ABLIM1: variants seen among roughly 807,000 people sequenced by gnomAD.
ABLIM1 encodes the protein actin-binding LIM protein 1.
Under a neutral mutation model 107.0 loss-of-function variants are expected in ABLIM1, and 40 were observed. That is an observed-to-expected ratio of 0.37 (90% CI 0.29 to 0.49). The LOEUF is 0.49. Ranked by LOEUF, ABLIM1 falls within the 20% of genes least tolerant of loss-of-function variation. The pLI is 0.97. For missense variants in ABLIM1, 857 were observed against 1,008.5 expected (o/e 0.85, Z 2.04); for synonymous variants, 357 against 357.3 (o/e 1.00, Z 0.01).
intron 1 of ABLIM1, among the ~76,000 whole-genome samples, chr10:114,727,581 C>G (rs549725524): frequency 1.3e-5 from 2 of 152,284 alleles, no homozygotes; most frequent in South Asian, 4.1e-4. Context: ...TTAATGAATT[C>G]ATAGCAAGAA....
At position 114,544,964 on chromosome 10, in the gene ABLIM1, A is replaced by T. The variant is rs1047636987; in HGVS notation, c.894+41T>A. 3.8e-6 allele frequency: 6 copies of T among 1,588,156 alleles called. No individual in the cohort carries two copies. In the African/African-American group the frequency reaches 8.1e-5, roughly 21 times the overall value. ...TTGTTTGTTTCTGAGGGCCGCTGAG[A>T]AAGATGGCGGTAGCTATGAGGGAGC... On this transcript the variant is annotated intron_variant, in intron 6 of 22. Coordinates refer to ENST00000533213, the MANE Select transcript of ABLIM1 (RefSeq NM_002313.7).
At chr10:114,606,005 C>G (rs2076385988) in intron 1 of ABLIM1, among the ~76,000 whole-genome samples, 1 of 152,030 alleles carries the variant, frequency 6.6e-6, no homozygotes, top group Non-Finnish European at 1.5e-5. Context: ...ATCTTCAGTG[C>G]AGTCAAGCAG....
chr10:114,760,090 G>C (rs1400817095), intron 1 of ABLIM1, among the ~76,000 whole-genome samples: 1 of 151,826 alleles, frequency 6.6e-6, no homozygotes, highest in Non-Finnish European at 1.5e-5. Context: ...ACATTAATTA[G>C]TATATTAGCA....
chr10:114,776,144 A>G, the ABLIM1 span: 1 of 152,168 alleles, frequency 6.6e-6, no homozygotes. Flanking sequence ...GATGGTGGAC[A>G]ACAAACCCAT....
rs1428392145 is a variant in ABLIM1, at chr10:114,671,733, C to T, written c.64+12557G>A. 2.6e-5 allele frequency among the ~76,000 whole-genome samples: 4 copies of T among 152,362 alleles called. No individual in the cohort carries two copies. In the East Asian group the frequency reaches 7.7e-4, roughly 29 times the overall value. On this transcript the variant is annotated intron_variant, in intron 1 of 23. Coordinates refer to the ABLIM1 transcript ENST00000369256. ...CATTGAGGTTTTAATTTGCATTTCA[C>T]TGATGACTAATGAAAGTGAGACTTT...
At position 114,534,575 on chromosome 10, in the gene ABLIM1, G is replaced by A. The variant is rs1357211630; in HGVS notation, c.894+10430C>T. On this transcript the variant is annotated intron_variant, in intron 6 of 22. Transcript: ENST00000533213. ...TACTCCATGACTTTTAAAGACGCAT[G>A]CCTTATCTCTCTGAGAACAAGTCCT... Among the ~76,000 whole-genome samples, 5 of 152,026 alleles carry A rather than the reference G, an allele frequency of 3.3e-5. 1 individual carries two copies. Among genetic ancestry groups the A allele is most frequent in the Non-Finnish European group, 7.4e-5 (5 of 67,992 alleles).
In ABLIM1 at chr10:114,435,103, C is replaced by A. The variant is rs2059240931; in HGVS notation, c.*1157G>T. 6.6e-6 allele frequency: 1 copy of A among 152,178 alleles called. No individual in the cohort carries two copies. Among genetic ancestry groups the A allele is most frequent in the African/African-American group, 2.4e-5 (1 of 41,440 alleles). The allele number at this position is 152,178 out of a possible 1,614,324, so 9.4% of individuals were successfully genotyped here. On this transcript the variant is annotated 3_prime_UTR_variant, in exon 23 of 23. Transcript: ENST00000533213. ...AGTGAAACCAACATGTGCACACACA[C>A]CCATGAATTCGACAGAGCTGGGCAA...
rs538869961 is a variant in ABLIM1, at chr10:114,432,488, T to A, written c.*3772A>T. 6.6e-6 allele frequency: 1 copy of A among 152,216 alleles called. No individual in the cohort carries two copies. The highest frequency in any genetic ancestry group is 2.4e-5 in the African/African-American group (1 of 41,456). The allele number at this position is 152,216 out of a possible 1,614,324, so 9.4% of individuals were successfully genotyped here. A position where few individuals can be genotyped will look rare whatever the true frequency, so the allele number is the denominator to read the frequency against. On this transcript the variant is annotated 3_prime_UTR_variant, in exon 23 of 23. Coordinates refer to ENST00000533213, the MANE Select transcript of ABLIM1 (RefSeq NM_002313.7). Reference sequence around the variant, plus strand: ...TTAGAAAGACTTACCTAGTCAAAAGTGGTTAATTTGAACTTTTCAAACTTG... The same window carrying A: ...TTAGAAAGACTTACCTAGTCAAAAGAGGTTAATTTGAACTTTTCAAACTTG...
intron 1 of ABLIM1, among the ~76,000 whole-genome samples, chr10:114,625,600 T>C (rs2077738199): frequency 6.6e-6 from 1 of 152,106 alleles, no homozygotes; most frequent in Non-Finnish European, 1.5e-5. Context: ...AGGAGCTCTA[T>C]AAGGAAGCCA....
At position 114,447,978 on chromosome 10, in the gene ABLIM1, T is replaced by G. The variant is rs1292347835; in HGVS notation, c.1637A>C (p.Lys546Thr). 9 of 1,614,036 alleles carry G rather than the reference T, an allele frequency of 5.6e-6. No homozygotes were observed. The highest frequency in any genetic ancestry group is 7.6e-6 in the Non-Finnish European group (9 of 1,180,042). The change falls in exon 15 of 23, where the codon AAG becomes ACG. Residue 546 changes from lysine to threonine, a missense_variant. Lys to Thr is a moderately conservative substitution (Grantham distance 78, BLOSUM62 -1). This residue lies in a region of ABLIM1 where 103 missense variants were observed against 101.0 expected (regional missense o/e 1.02). Coordinates refer to ENST00000533213, the MANE Select transcript of ABLIM1 (RefSeq NM_002313.7). Reference sequence around the variant, plus strand: ...CTGGGCTGCTGGGAACTTGGAAAACTTGATGATATCTTCTGAGGACTTGCT... The same window carrying G: ...CTGGGCTGCTGGGAACTTGGAAAACGTGATGATATCTTCTGAGGACTTGCT... ...AQSKSSEDIIKFSKFPAAQAP... is the reference protein window; with the variant it reads ...AQSKSSEDIITFSKFPAAQAP...
At position 114,636,785 on chromosome 10, in the gene ABLIM1, C is replaced by T. The variant is rs2078500597; in HGVS notation, c.244+21172G>A. On this transcript the variant is annotated intron_variant, in intron 1 of 22. Transcript: ENST00000533213. The stretch of plus-strand genomic sequence containing the variant: ...CAGTGGTGCATACCTGTAATCCCAG[C>T]ACTTTGGGAGGTTGAGGTGGATGGA... Among the ~76,000 whole-genome samples, 3 of 152,184 alleles carry T rather than the reference C, an allele frequency of 2.0e-5. No individual in the cohort carries two copies. In the South Asian group the frequency reaches 6.2e-4, roughly 32 times the overall value.
upstream of ABLIM1, among the ~76,000 whole-genome samples, chr10:114,659,445 A>T (rs908243593): frequency 1.3e-5 from 2 of 152,070 alleles, no homozygotes; most frequent in Non-Finnish European, 2.9e-5. Context: ...TGAGTCCAGG[A>T]GTTTGAGGTT....
intron 1 of ABLIM1, among the ~76,000 whole-genome samples, chr10:114,711,486 C>A (rs546084738): frequency 2.0e-5 from 3 of 152,184 alleles, no homozygotes; most frequent in South Asian, 2.1e-4. Context: ...TAACACCAGG[C>A]GTGCCAGCCC....
intron 1 of ABLIM1, among the ~76,000 whole-genome samples, chr10:114,719,288 G>A (rs539486597): frequency 2.0e-5 from 3 of 152,290 alleles, no homozygotes; most frequent in African/African-American, 7.2e-5. Flanking sequence ...CCAAGATACT[G>A]TCCTAGTCCT....
At chr10:114,788,334 TAA>T in the ABLIM1 span, among the ~76,000 whole-genome samples, 1 of 131,326 alleles carries the variant, frequency 7.6e-6, no homozygotes, top group Non-Finnish European at 1.6e-5. Flanking sequence ...AATAAAAAAA[TAA>T]AAAAAAAAAA....
chr10:114,572,852 G>C (rs1443707748), intron 3 of ABLIM1, among the ~76,000 whole-genome samples: 8 of 152,188 alleles, frequency 5.3e-5, no homozygotes, highest in African/African-American at 1.9e-4. Flanking sequence ...AGTGGACCCA[G>C]ACACAGCGTT....
intron 10 of ABLIM1, 53 bp from the exon 11 acceptor site, chr10:114,468,269 TTTTG>T (rs746846379): frequency 1.4e-4 from 214 of 1,554,088 alleles, no homozygotes; most frequent in African/African-American, 3.8e-4. Flanking sequence ...CTCTTTGCCG[TTTTG>T]TTTGTTTGTT....
chr10:114,594,420 C>G (rs2075214604), intron 2 of ABLIM1, among the ~76,000 whole-genome samples: 1 of 152,138 alleles, frequency 6.6e-6, no homozygotes, highest in Non-Finnish European at 1.5e-5. Flanking sequence ...TATAGTAAAG[C>G]AATTGATAAA....
At chr10:114,677,515 G>A (rs1041548202) in intron 1 of ABLIM1, among the ~76,000 whole-genome samples, 2 of 152,306 alleles carry the variant, frequency 1.3e-5, no homozygotes, top group South Asian at 2.1e-4. Flanking sequence ...GCTCACGCCT[G>A]TAATCCCAGC....
Sources: gnomAD v4.1 joint callset for allele counts (sites outside exome capture counted in the v4.1 genomes callset) on GRCh38, gnomAD v4.1.1 for gene constraint, gnomAD v4.1.1 regional missense constraint, MANE v1.5 for transcripts, NCBI Gene and HGNC (gene_info 2026-07-23, HGNC 2026-07-21) for gene names.